SNTG2: variants seen among roughly 807,000 people sequenced by gnomAD.
The protein encoded by SNTG2 is syntrophin gamma 2.
SNTG2 carries 74 observed loss-of-function variants against 70.9 expected under a neutral mutation model. The observed-to-expected ratio is 1.04, with a 90% CI of 0.86 to 1.27. SNTG2 has a LOEUF of 1.27. SNTG2 is among the 50% of genes most tolerant of loss of function. The pLI, the probability that SNTG2 is intolerant of heterozygous loss-of-function variation, is 0.00. For missense variants in SNTG2, 717 were observed against 690.7 expected (o/e 1.04, Z -0.43); for synonymous variants, 278 against 273.8 (o/e 1.02, Z -0.15).
At chr2:951,593 G>T (rs1199056327) in intron 1 of SNTG2, among the ~76,000 whole-genome samples, 3 of 152,224 alleles carry the variant, frequency 2.0e-5, no homozygotes, top group African/African-American at 7.2e-5. Context: ...CGCCAACTGG[G>T]TAATACGGAT....
At chr2:1,257,743 T>G (rs941234607) in intron 12 of SNTG2, among the ~76,000 whole-genome samples, 1 of 152,160 alleles carries the variant, frequency 6.6e-6, no homozygotes. Flanking sequence ...ACAATGTCCA[T>G]CACAAAGATA....
Position 1,275,251 on chromosome 2 carries a change from T to C in SNTG2, c.1284+7680T>C, listed in dbSNP as rs372050441. Among the ~76,000 whole-genome samples the C allele has an allele frequency of 1.6e-3, 245 of 152,342 alleles. 7 individuals are homozygous for C. The South Asian group carries it at 0.041, about 25-fold the overall frequency. ...CATCCTTACCTCGGCAACTACAGAC[T>C]CAGCTTGTTTTATTGTGCTTTGCTT... On this transcript the variant is annotated intron_variant, in intron 14 of 16. Transcript: ENST00000308624.
intron 1 of SNTG2, among the ~76,000 whole-genome samples, chr2:963,972 C>CTCGGTACTA (rs1660442920): frequency 6.6e-6 from 1 of 152,164 alleles, no homozygotes. Flanking sequence ...TCATTTTTAA[C>CTCGGTACTA]AGTTTCAGCT....
At chr2:1,222,079 G>GCCTC (rs1675155909) in intron 9 of SNTG2, among the ~76,000 whole-genome samples, 1 of 14,584 alleles carries the variant, frequency 6.9e-5, no homozygotes, top group African/African-American at 2.3e-4. Flanking sequence ...CTCTGTCTCT[G>GCCTC]TCTCTGTCTC....
At chr2:1,113,515 C>T (rs535189198) in intron 4 of SNTG2, among the ~76,000 whole-genome samples, 2,562 of 127,206 alleles carry the variant, frequency 0.02, 38 homozygotes, top group Non-Finnish European at 0.03. Flanking sequence ...AGTCCTTTGA[C>T]GAGGATTGTG....
chr2:1,270,930 T>C (rs1229832172), intron 14 of SNTG2, among the ~76,000 whole-genome samples: 2 of 152,208 alleles, frequency 1.3e-5, no homozygotes, highest in African/African-American at 2.4e-5. Flanking sequence ...ATTCCTTCTC[T>C]AAAAGGATTT....
chr2:1,141,143 G>C (rs1261649940), intron 6 of SNTG2, among the ~76,000 whole-genome samples: 1 of 152,310 alleles, frequency 6.6e-6, no homozygotes, highest in East Asian at 1.9e-4. Context: ...TTACTCAGCA[G>C]ACCATGGGGA....
intron 1 of SNTG2, among the ~76,000 whole-genome samples, chr2:1,026,487 A>T (rs1660486902): frequency 6.6e-6 from 1 of 152,232 alleles, no homozygotes; most frequent in Admixed American, 6.5e-5. Flanking sequence ...ATTTGCCAAC[A>T]TCCAAAAACA....
At chr2:1,128,438 T>A (rs1207089891) in intron 4 of SNTG2, among the ~76,000 whole-genome samples, 1 of 152,158 alleles carries the variant, frequency 6.6e-6, no homozygotes, top group East Asian at 1.9e-4. Flanking sequence ...TGTGTTATTA[T>A]GGAAGTTTTC....
intron 1 of SNTG2, among the ~76,000 whole-genome samples, chr2:1,053,934 C>G (rs1476455382): frequency 1.3e-5 from 2 of 151,552 alleles, no homozygotes; most frequent in East Asian, 1.9e-4. Flanking sequence ...TCCCTCCCGC[C>G]CCCCTCTTGC....
rs4287796 is a variant in SNTG2, at chr2:1,158,048, G to T, written c.412-7500G>T. On this transcript the variant is annotated intron_variant, in intron 6 of 16. Coordinates refer to ENST00000308624, the MANE Select transcript of SNTG2 (RefSeq NM_018968.4). ...GACATGCCTAGCAGCACACACTCAG[G>T]TGGGGGCTCATGGTGATTAGTAGAT... Among the ~76,000 whole-genome samples the T allele has an allele frequency of 3.3e-5, 5 of 152,140 alleles. No individual in the cohort carries two copies. The East Asian group carries it at 9.6e-4, about 29-fold the overall frequency.
intron 13 of SNTG2, among the ~76,000 whole-genome samples, chr2:1,266,903 G>A (rs1487628996): frequency 6.6e-6 from 1 of 151,926 alleles, no homozygotes; most frequent in Admixed American, 6.6e-5. Flanking sequence ...ACAAGCGTGT[G>A]CTGCCACACC....
At chr2:1,138,618 G>A (rs1368700737) in intron 6 of SNTG2, among the ~76,000 whole-genome samples, 1 of 152,092 alleles carries the variant, frequency 6.6e-6, no homozygotes, top group Non-Finnish European at 1.5e-5. Flanking sequence ...TGACCTGGGG[G>A]ACACAGGGTC....
Position 1,190,227 on chromosome 2 carries a change from C to G in SNTG2, c.591+17044C>G, listed in dbSNP as rs1476594606. ...CTGTAGATAACAAAATCCATAGATG[C>G]TTAAGACCCTTATATAAAATGGTAT... On this transcript the variant is annotated intron_variant, in intron 8 of 16. Transcript: ENST00000308624. 2.0e-5 allele frequency among the ~76,000 whole-genome samples: 3 copies of G among 151,954 alleles called. No individual in the cohort carries two copies. The East Asian group carries it at 5.8e-4, about 29-fold the overall frequency.
At chr2:1,307,155 CTGTGTGTGTG>C (rs60717774) in intron 14 of SNTG2, among the ~76,000 whole-genome samples, 1 of 134,400 alleles carries the variant, frequency 7.4e-6, no homozygotes, top group Non-Finnish European at 1.6e-5. Context: ...GAGCCATGTG[CTGTGTGTGTG>C]TGTGTGTGTG....
chr2:1,116,766 C>CCTGGTGTGTGGGTGCT (rs959321537), intron 4 of SNTG2, among the ~76,000 whole-genome samples: 7 of 115,932 alleles, frequency 6.0e-5, no homozygotes, highest in African/African-American at 2.4e-4. Context: ...GTGTCAGTGC[C>CCTGGTGTGTGGGTGCT]CTGGTGTGTG....
chr2:1,119,745 G>A (rs113741890), intron 4 of SNTG2, among the ~76,000 whole-genome samples: 54 of 152,066 alleles, frequency 3.6e-4, no homozygotes, highest in African/African-American at 1.1e-3. Context: ...AAAGGCAGAC[G>A]AGAGTGGAGG....
intron 1 of SNTG2, among the ~76,000 whole-genome samples, chr2:1,001,196 A>G (rs1212395153): frequency 6.6e-6 from 1 of 151,962 alleles, no homozygotes; most frequent in East Asian, 1.9e-4. Flanking sequence ...ACATGCTCCT[A>G]AGAGCTGGAA....
intron 1 of SNTG2, among the ~76,000 whole-genome samples, chr2:990,872 A>G (rs1286079510): frequency 6.6e-6 from 1 of 152,036 alleles, no homozygotes; most frequent in Admixed American, 6.5e-5. Flanking sequence ...AAAAAAAAAA[A>G]GAATGAGAAA....
Sources: gnomAD v4.1 joint callset for allele counts (sites outside exome capture counted in the v4.1 genomes callset) on GRCh38, gnomAD v4.1.1 for gene constraint, MANE v1.5 for transcripts, NCBI Gene and HGNC (gene_info 2026-07-23, HGNC 2026-07-21) for gene names.